NEK7: variants seen among roughly 807,000 people sequenced by gnomAD.
NEK7 encodes the protein NIMA related kinase 7, also known as serine/threonine-protein kinase Nek7.
In NEK7, 18 loss-of-function variants were observed where a neutral mutation model predicts 44.6. That is an observed-to-expected ratio of 0.40 (90% CI 0.28 to 0.60). The LOEUF (loss-of-function observed/expected upper bound fraction) is 0.60, where lower values mean the gene tolerates loss of function less well. NEK7 is among the 20% of genes least tolerant of loss of function. The probability of loss-of-function intolerance (pLI) is 0.38; values close to 1 mark genes in which losing one functional copy is unlikely to be tolerated. For synonymous variants in NEK7, 130 were observed against 121.1 expected (o/e 1.07, Z -0.48); for missense variants, 256 against 366.5 (o/e 0.70, Z 2.46).
intron 1 of NEK7, among the ~76,000 whole-genome samples, chr1:198,199,423 T>C (rs1665351442): frequency 6.6e-6 from 1 of 152,252 alleles, no homozygotes. Context: ...CACACCATAG[T>C]ATCCACTGCA....
At chr1:198,164,267 C>G (rs942791654) in intron 1 of NEK7, among the ~76,000 whole-genome samples, 1 of 152,170 alleles carries the variant, frequency 6.6e-6, no homozygotes, top group Non-Finnish European at 1.5e-5. Flanking sequence ...CAGTACCAGG[C>G]CCCCAAGGGA....
At chr1:198,317,817 G>A (rs767587082) in intron 9 of NEK7, among the ~76,000 whole-genome samples, 2 of 145,468 alleles carry the variant, frequency 1.4e-5, no homozygotes, top group Non-Finnish European at 3.0e-5. Context: ...TTTAAATTAT[G>A]TGTCATTATG....
intron 1 of NEK7, among the ~76,000 whole-genome samples, chr1:198,187,527 G>A (rs932837297): frequency 1.3e-5 from 2 of 152,098 alleles, no homozygotes; most frequent in Non-Finnish European, 2.9e-5. Flanking sequence ...GAGATAAACT[G>A]ATCTTAATTT....
At chr1:198,319,306 T>C (rs1220531947) in intron 9 of NEK7, 106 bp from the exon 10 acceptor site, 2 of 650,894 alleles carry the variant, frequency 3.1e-6, no homozygotes, top group East Asian at 2.7e-5. Context: ...AGTCAGAAAA[T>C]GTACTTTCCT....
At chr1:198,234,377 A>G (rs546672353) in intron 2 of NEK7, among the ~76,000 whole-genome samples, 2 of 152,272 alleles carry the variant, frequency 1.3e-5, no homozygotes, top group East Asian at 3.9e-4. Context: ...ATAAACAAAC[A>G]TATCTATTAA....
intron 7 of NEK7, among the ~76,000 whole-genome samples, chr1:198,284,021 C>G (rs1478859881): frequency 2.0e-5 from 3 of 152,148 alleles, no homozygotes; most frequent in African/African-American, 7.2e-5. Flanking sequence ...ATTGGTCAAT[C>G]ATAAATTACT....
At chr1:198,248,516 A>T (rs975070888) in intron 2 of NEK7, among the ~76,000 whole-genome samples, 3 of 152,174 alleles carry the variant, frequency 2.0e-5, no homozygotes, top group Non-Finnish European at 4.4e-5. Flanking sequence ...GCCGTTTGAG[A>T]GCAGAAAGCA....
At chr1:198,317,652 T>C (rs1655407484) in intron 9 of NEK7, among the ~76,000 whole-genome samples, 1 of 152,110 alleles carries the variant, frequency 6.6e-6, no homozygotes, top group South Asian at 2.1e-4. Flanking sequence ...AGTCAAAAAA[T>C]TGTTTACTGC....
At chr1:198,201,485 G>A (rs1036485636) in intron 1 of NEK7, among the ~76,000 whole-genome samples, 2 of 152,116 alleles carry the variant, frequency 1.3e-5, no homozygotes, top group African/African-American at 4.8e-5. Flanking sequence ...GAGTTGAACA[G>A]TTGGAACAGA....
intron 1 of NEK7, among the ~76,000 whole-genome samples, chr1:198,182,536 G>A (rs1664797149): frequency 6.6e-6 from 1 of 152,140 alleles, no homozygotes; most frequent in African/African-American, 2.4e-5. Flanking sequence ...TTGCTGCCAG[G>A]CCTGTGGCCA....
chr1:198,199,724 T>G (rs1417699812), intron 1 of NEK7, among the ~76,000 whole-genome samples: 1 of 152,202 alleles, frequency 6.6e-6, no homozygotes, highest in Admixed American at 6.5e-5. Context: ...TAAAAGCTAC[T>G]TTGTCTAATA....
At chr1:198,248,941 C>T (rs1666909555) in intron 2 of NEK7, among the ~76,000 whole-genome samples, 1 of 151,502 alleles carries the variant, frequency 6.6e-6, no homozygotes, top group Non-Finnish European at 1.5e-5. Context: ...GCACAATGTG[C>T]AGGTTAGTTA....
In NEK7 at chr1:198,264,303, C is replaced by T. The variant is rs1653578075; in HGVS notation, c.372+68C>T. The T allele has an allele frequency of 2.6e-5, 28 of 1,088,778 alleles. No homozygotes were observed. In the South Asian group the frequency reaches 3.8e-4, roughly 15 times the overall value. The allele number at this position is 1,088,778 out of a possible 1,614,324, so 67.4% of individuals were successfully genotyped here. A position where few individuals can be genotyped will look rare whatever the true frequency, so the allele number is the denominator to read the frequency against. On this transcript the variant is annotated intron_variant, in intron 5 of 9. Transcript: ENST00000367385. ...TTTTCTAATAGAATTGTCTGTTAAA[C>T]ACATAGGGATATTAGATATTTTAAA...
chr1:198,275,498 AT>A (rs71674737), intron 5 of NEK7, among the ~76,000 whole-genome samples: 2,237 of 144,586 alleles, frequency 0.015, 40 homozygotes, highest in East Asian at 0.087. Context: ...TTGGCATTAG[AT>A]TTTTTTTTTT....
At chr1:198,300,377 G>T (rs1422281293) in intron 9 of NEK7, among the ~76,000 whole-genome samples, 1 of 152,172 alleles carries the variant, frequency 6.6e-6, no homozygotes. Flanking sequence ...TCTTATCAAT[G>T]CAAGTTCTAC....
At chr1:198,214,631 A>G (rs1418567540) in intron 1 of NEK7, among the ~76,000 whole-genome samples, 1 of 152,190 alleles carries the variant, frequency 6.6e-6, no homozygotes, top group Non-Finnish European at 1.5e-5. Context: ...GACAAAAATA[A>G]AGGACAAAGA....
chr1:198,234,048 C>G (rs1666479014), intron 2 of NEK7, among the ~76,000 whole-genome samples: 1 of 151,988 alleles, frequency 6.6e-6, no homozygotes, highest in African/African-American at 2.4e-5. Context: ...TTTTATCTCT[C>G]TTATTAGGTT....
At chr1:198,254,353 T>C (rs1033556033) in intron 3 of NEK7, among the ~76,000 whole-genome samples, 4 of 152,216 alleles carry the variant, frequency 2.6e-5, no homozygotes, top group Non-Finnish European at 5.9e-5. Context: ...TCTTTATTGT[T>C]TTTCCTACAT....
chr1:198,310,851 T>C (rs1655160789), intron 9 of NEK7, among the ~76,000 whole-genome samples: 1 of 151,902 alleles, frequency 6.6e-6, no homozygotes, highest in African/African-American at 2.4e-5. Flanking sequence ...CCTTGTAGTA[T>C]AGTTTGAAGT....
Sources: gnomAD v4.1 joint callset for allele counts (sites outside exome capture counted in the v4.1 genomes callset) on GRCh38, gnomAD v4.1.1 for gene constraint, MANE v1.5 for transcripts, NCBI Gene and HGNC (gene_info 2026-07-23, HGNC 2026-07-21) for gene names.